The following PARD3 variants were observed in gnomAD, a reference collection of about 807,000 sequenced individuals.
The protein encoded by PARD3 is par-3 family cell polarity regulator.
In PARD3, 75 loss-of-function variants were observed where a neutral mutation model predicts 155.4. That is an observed-to-expected ratio of 0.48 (90% CI 0.40 to 0.58). PARD3 has a LOEUF of 0.58. Ranked by LOEUF, PARD3 falls within the 20% of genes least tolerant of loss-of-function variation. PARD3 has a pLI of 0.00. For missense variants in PARD3, 1,642 were observed against 1,721.7 expected (o/e 0.95, Z 0.82); for synonymous variants, 576 against 610.5 (o/e 0.94, Z 0.83).
Position 34,186,349 on chromosome 10 carries a change from G to A in PARD3, c.3420-54766C>T, listed in dbSNP as rs1588677131. 1.5e-5 allele frequency among the ~76,000 whole-genome samples: 2 copies of A among 129,944 alleles called. 1 individual carries two copies. The highest frequency in any genetic ancestry group is 5.5e-5 in the African/African-American group (2 of 36,094). The allele number at this position is 129,944 out of a possible 152,430, so 85.2% of individuals were successfully genotyped here. ...CACTCCAGCCTGGGTGACAGAATGA[G>A]ACCCTCTTAAAAAAAAAAAAAAAAA... On this transcript the variant is annotated intron_variant, in intron 22 of 24. Transcript: ENST00000374788.
intron 18 of PARD3, among the ~76,000 whole-genome samples, chr10:34,332,815 TG>T (rs1835760047): frequency 6.6e-6 from 1 of 152,198 alleles, no homozygotes; most frequent in South Asian, 2.1e-4. Flanking sequence ...TTTCTTTGAA[TG>T]AGATCCATCT....
At chr10:34,564,189 A>G (rs1465024186) in intron 2 of PARD3, among the ~76,000 whole-genome samples, 2 of 152,260 alleles carry the variant, frequency 1.3e-5, no homozygotes, top group African/African-American at 4.8e-5. Context: ...TTACATGTGC[A>G]TATAAAATTT....
At chr10:34,236,153 A>G (rs1953218567) in intron 22 of PARD3, among the ~76,000 whole-genome samples, 1 of 152,190 alleles carries the variant, frequency 6.6e-6, no homozygotes, top group African/African-American at 2.4e-5. Context: ...CCTACAGCTT[A>G]TGATCTAAGG....
At chr10:34,449,433 TG>T in intron 5 of PARD3, among the ~76,000 whole-genome samples, 1 of 119,556 alleles carries the variant, frequency 8.4e-6, no homozygotes, top group East Asian at 2.6e-4. Context: ...AAAAAAACAC[TG>T]AAATAATTAA....
intron 3 of PARD3, among the ~76,000 whole-genome samples, chr10:34,504,621 T>C (rs2080939809): frequency 6.6e-6 from 1 of 152,152 alleles, no homozygotes; most frequent in Non-Finnish European, 1.5e-5. Flanking sequence ...CTACCAGCTG[T>C]CCATTCCATG....
intron 1 of PARD3, among the ~76,000 whole-genome samples, chr10:34,808,644 G>GA (rs1843696874): frequency 6.6e-6 from 1 of 152,034 alleles, no homozygotes. Flanking sequence ...TTCCATCCTT[G>GA]ATAAAAAATA....
intron 1 of PARD3, among the ~76,000 whole-genome samples, chr10:34,777,872 T>C (rs925057807): frequency 6.6e-6 from 1 of 152,096 alleles, no homozygotes; most frequent in Non-Finnish European, 1.5e-5. Flanking sequence ...TGAGGAATGA[T>C]GGTGAGTCTA....
At chr10:34,540,668 C>A (rs2133879267) in intron 2 of PARD3, among the ~76,000 whole-genome samples, 1 of 152,222 alleles carries the variant, frequency 6.6e-6, no homozygotes, top group African/African-American at 2.4e-5. Context: ...GTAGTCTCAA[C>A]TAGTCGAAAG....
chr10:34,788,632 T>G (rs1474357902), intron 1 of PARD3, among the ~76,000 whole-genome samples: 1 of 152,074 alleles, frequency 6.6e-6, no homozygotes, highest in African/African-American at 2.4e-5. Context: ...GTATTTTCAG[T>G]AGAGACAAGG....
chr10:34,762,880 A>G (rs1451838712), intron 1 of PARD3, among the ~76,000 whole-genome samples: 2 of 152,224 alleles, frequency 1.3e-5, no homozygotes, highest in Admixed American at 6.5e-5. Context: ...CTTTGCAAAT[A>G]TAATACACAC....
intron 19 of PARD3, among the ~76,000 whole-genome samples, chr10:34,318,445 GA>G (rs767840131): frequency 6.6e-6 from 1 of 152,056 alleles, no homozygotes; most frequent in Non-Finnish European, 1.5e-5. Context: ...TTATAACAAA[GA>G]GCCAAACAGA....
chr10:34,386,850 T>C (rs996060196), intron 7 of PARD3, among the ~76,000 whole-genome samples: 18 of 151,432 alleles, frequency 1.2e-4, no homozygotes, highest in East Asian at 5.8e-4. Context: ...TTAAGATATA[T>C]CTATGATTCC....
At chr10:34,249,582 T>C (rs913815021) in intron 22 of PARD3, among the ~76,000 whole-genome samples, 1 of 152,174 alleles carries the variant, frequency 6.6e-6, no homozygotes, top group Non-Finnish European at 1.5e-5. Flanking sequence ...AGTTTTAGAT[T>C]AGCTACTCTC....
chr10:34,660,531 G>T (rs2093296707), intron 2 of PARD3, among the ~76,000 whole-genome samples: 1 of 152,110 alleles, frequency 6.6e-6, no homozygotes, highest in South Asian at 2.1e-4. Flanking sequence ...GAGCCTCGGA[G>T]GGCATGGCCA....
chr10:34,298,707 G>A lies in PARD3; in HGVS notation c.3066-14462C>T, dbSNP rs144184377. Reference sequence around the variant, plus strand: ...CAACGTGAGCACACTTACTGCTGCTGAACTAAACGGCTTAAAAATGGCTAC... The same window carrying A: ...CAACGTGAGCACACTTACTGCTGCTAAACTAAACGGCTTAAAAATGGCTAC... On this transcript the variant is annotated intron_variant, in intron 20 of 24. Transcript: ENST00000374788. 4.0e-3 allele frequency among the ~76,000 whole-genome samples: 616 copies of A among 152,278 alleles called. 4 individuals are homozygous for A. Among genetic ancestry groups the A allele is most frequent in the African/African-American group, 0.014 (585 of 41,548 alleles).
intron 22 of PARD3, among the ~76,000 whole-genome samples, chr10:34,240,132 G>A (rs754236439): frequency 6.6e-6 from 1 of 152,144 alleles, no homozygotes; most frequent in Non-Finnish European, 1.5e-5. Flanking sequence ...CCAAGAAACC[G>A]AGGCTTAGAG....
At chr10:34,396,575 A>C (rs545556399) in intron 7 of PARD3, among the ~76,000 whole-genome samples, 33 of 152,282 alleles carry the variant, frequency 2.2e-4, no homozygotes, top group African/African-American at 7.2e-4. Flanking sequence ...TGACTTTGAA[A>C]ATCTAAATGA....
intron 22 of PARD3, among the ~76,000 whole-genome samples, chr10:34,172,404 C>A (rs946972270): frequency 1.3e-5 from 2 of 152,162 alleles, no homozygotes; most frequent in African/African-American, 4.8e-5. Context: ...TAAACACCCA[C>A]CTTCACAATT....
chr10:34,159,386 C>T (rs1949165003), intron 22 of PARD3, among the ~76,000 whole-genome samples: 1 of 152,202 alleles, frequency 6.6e-6, no homozygotes, highest in Non-Finnish European at 1.5e-5. Flanking sequence ...TGTGTGCACT[C>T]AGGCAGATTT....
Sources: allele counts gnomAD v4.1 joint callset (sites outside exome capture counted in the v4.1 genomes callset), GRCh38; gene constraint gnomAD v4.1.1; transcripts MANE v1.5; gene names NCBI Gene and HGNC (gene_info 2026-07-23, HGNC 2026-07-21).